The following VCAN variants were observed in gnomAD, a reference collection of about 807,000 sequenced individuals.
VCAN encodes the protein versican core protein.
A neutral mutation model predicts 245.5 loss-of-function variants in VCAN; 44 were observed. That is an observed-to-expected ratio of 0.18 (90% CI 0.14 to 0.23). VCAN has a LOEUF of 0.23. Ranked by LOEUF, VCAN falls within the 10% of genes least tolerant of loss-of-function variation. VCAN has a pLI of 1.00. For missense variants in VCAN, 3,793 were observed against 4,057.9 expected, an observed-to-expected ratio of 0.93 and a Z score of 1.77; for synonymous variants, 1,413 against 1,437.0, an observed-to-expected ratio of 0.98 and a Z score of 0.38.
At chr5:83,522,654 G>A (rs1051838236) in intron 7 of VCAN, among the ~76,000 whole-genome samples, 2 of 152,182 alleles carry the variant, frequency 1.3e-5, no homozygotes, top group African/African-American at 4.8e-5. Flanking sequence ...GCACTAGACT[G>A]TGTTAACATT....
At chr5:83,505,531 C>A (rs1745456765) in intron 5 of VCAN, among the ~76,000 whole-genome samples, 1 of 152,176 alleles carries the variant, frequency 6.6e-6, no homozygotes, top group African/African-American at 2.4e-5. Context: ...TGGTCTCGGG[C>A]AGCTCAGCCC....
At chr5:83,480,601 C>T (rs1744581564) in intron 1 of VCAN, among the ~76,000 whole-genome samples, 1 of 152,156 alleles carries the variant, frequency 6.6e-6, no homozygotes, top group Non-Finnish European at 1.5e-5. Context: ...CAAGGATATA[C>T]CCTGAACCTG....
Position 83,542,127 on chromosome 5 carries a change from G to A in VCAN, c.9124G>A (p.Asp3042Asn), listed in dbSNP as rs144214095. Reference protein sequence around the residue: ...QVAARILDSNDQATVNPVEFN... With the variant: ...QVAARILDSNNQATVNPVEFN... ...GGCAGCGAGAATTCTTGATTCCAATGATCAGGCAACAGTAAACCCTGTGGA... is the reference window on the plus strand; with the variant it reads ...GGCAGCGAGAATTCTTGATTCCAATAATCAGGCAACAGTAAACCCTGTGGA... Residue 3042 changes from aspartate to asparagine, a missense_variant, in exon 8 of 15, where the codon GAT (aspartate) becomes AAT (asparagine). Physicochemically the swap from Asp to Asn is conservative, Grantham distance 23. Around this residue, in one of 5 missense-constraint regions of VCAN, gnomAD observed 3,182 missense variants for 3,250.3 expected, o/e 0.98. Coordinates refer to ENST00000265077, the MANE Select transcript of VCAN (RefSeq NM_004385.5). The A allele has an allele frequency of 7.2e-5, 116 of 1,614,082 alleles. No homozygotes were observed. In the African/African-American group the frequency reaches 1.3e-3, roughly 18 times the overall value.
At chr5:83,508,716 T>C (rs1745555730) in intron 5 of VCAN, among the ~76,000 whole-genome samples, 1 of 152,258 alleles carries the variant, frequency 6.6e-6, no homozygotes. Context: ...CTTTTAATCC[T>C]CACCTTAAAG....
At chr5:83,563,760 G>C (rs1747966588) in intron 12 of VCAN, among the ~76,000 whole-genome samples, 1 of 152,264 alleles carries the variant, frequency 6.6e-6, no homozygotes, top group African/African-American at 2.4e-5. Context: ...GCACAAAGAA[G>C]TCAGCTCTTA....
intron 12 of VCAN, among the ~76,000 whole-genome samples, chr5:83,564,633 G>C (rs1053609530): frequency 6.6e-6 from 1 of 151,244 alleles, no homozygotes; most frequent in Admixed American, 6.6e-5. Flanking sequence ...TCTTTGGCTA[G>C]TTTCCTTGGG....
chr5:83,549,406 C>T, intron 10 of VCAN, among the ~76,000 whole-genome samples: 1 of 152,112 alleles, frequency 6.6e-6, no homozygotes, highest in Non-Finnish European at 1.5e-5. Context: ...TCTATGCATT[C>T]AGTGGGCTAG....
chr5:83,556,351 A>G (rs1374884199), intron 12 of VCAN, among the ~76,000 whole-genome samples: 1 of 152,204 alleles, frequency 6.6e-6, no homozygotes, highest in East Asian at 1.9e-4. Flanking sequence ...CCTCGGCTTT[A>G]AAAAGAGTGT....
rs562382879 is a variant in VCAN at position 83,545,302 on chromosome 5, T to A, written c.9266-235T>A. The stretch of plus-strand genomic sequence containing the variant: ...CCAGATACAGTACAAAAAATATCAT[T>A]TAAGAGTAATCGTGATTGAATCCCA... On this transcript the variant is annotated intron_variant, in intron 8 of 14. Coordinates refer to ENST00000265077, the MANE Select transcript of VCAN (RefSeq NM_004385.5). Among the ~76,000 whole-genome samples the A allele has an allele frequency of 1.8e-4, 27 of 152,256 alleles. No homozygotes were observed. In the South Asian group the frequency reaches 5.4e-3, roughly 30 times the overall value.
intron 1 of VCAN, among the ~76,000 whole-genome samples, chr5:83,476,901 A>G (rs1357763422): frequency 1.3e-5 from 2 of 152,208 alleles, no homozygotes; most frequent in Admixed American, 6.5e-5. Context: ...ATCCTACCTC[A>G]TTCTTCTAAG....
intron 5 of VCAN, among the ~76,000 whole-genome samples, chr5:83,507,281 C>A (rs1745509685): frequency 6.6e-6 from 1 of 152,148 alleles, no homozygotes; most frequent in African/African-American, 2.4e-5. Flanking sequence ...AAGCAACTAT[C>A]CGTTAAATCT....
At chr5:83,472,077 GA>G (rs200141834) in intron 1 of VCAN, 54 bp downstream of exon 1, 4,299 of 268,642 alleles carry the variant, frequency 0.016, 47 homozygotes, top group Non-Finnish European at 0.02. Context: ...AAAACTTATA[GA>G]AAAAAACCCG....
chr5:83,533,314 A>T (rs1164563089), intron 7 of VCAN, among the ~76,000 whole-genome samples: 2 of 152,168 alleles, frequency 1.3e-5, no homozygotes, highest in Non-Finnish European at 2.9e-5. Flanking sequence ...TGATTAGTAC[A>T]TTTGCAATAA....
intron 13 of VCAN, 56 bp from the exon 14 acceptor site, chr5:83,579,924 C>T: frequency 6.4e-7 from 1 of 1,562,382 alleles, no homozygotes; most frequent in South Asian, 1.1e-5. Flanking sequence ...ATAAGAGACT[C>T]ATATTAGTTG....
chr5:83,505,083 C>T (rs774269206), intron 5 of VCAN, among the ~76,000 whole-genome samples: 3 of 152,052 alleles, frequency 2.0e-5, no homozygotes, highest in South Asian at 4.1e-4. Flanking sequence ...GGGAATTCTG[C>T]GAGATACAGT....
chr5:83,493,468 A>G, intron 3 of VCAN, 78 bp from the exon 4 acceptor site: 1 of 1,576,046 alleles, frequency 6.3e-7, no homozygotes, highest in Non-Finnish European at 8.7e-7. Context: ...AAGTTGATAC[A>G]TTGCTCCAAT....
At chr5:83,509,347 A>G (rs1445900613) in intron 5 of VCAN, among the ~76,000 whole-genome samples, 2 of 152,208 alleles carry the variant, frequency 1.3e-5, no homozygotes, top group African/African-American at 2.4e-5. Context: ...ACAGGCCAGC[A>G]CCTACTGAAG....
chr5:83,578,195 G>A (rs1448394076), intron 13 of VCAN, among the ~76,000 whole-genome samples: 1 of 152,088 alleles, frequency 6.6e-6, no homozygotes, highest in African/African-American at 2.4e-5. Context: ...CATGGATGGA[G>A]CTGGAGGTCA....
In VCAN at chr5:83,519,561, T is replaced by G. The variant is rs1465669976; in HGVS notation, c.1255T>G (p.Leu419Val). 3 of 1,614,140 alleles carry G rather than the reference T, an allele frequency of 1.9e-6. No individual in the cohort carries two copies. In the South Asian group the frequency reaches 3.3e-5, roughly 18 times the overall value. ...TVQPQAITDS[L>V]ATKLPTPTGS... ...CCAACCTCAGGCTATCACAGATAGTTTAGCCACCAAATTACCCACACCTAC... is the reference window on the plus strand; with the variant it reads ...CCAACCTCAGGCTATCACAGATAGTGTAGCCACCAAATTACCCACACCTAC... The change falls in exon 7 of 15, where the codon TTA (leucine) becomes GTA (valine). Residue 419 changes from leucine (L) to valine (V), a missense_variant. Leu to Val is a conservative substitution (Grantham distance 32). Coordinates refer to ENST00000265077, the MANE Select transcript of VCAN (RefSeq NM_004385.5).
Sources: allele counts gnomAD v4.1 joint callset (sites outside exome capture counted in the v4.1 genomes callset), GRCh38; gene constraint gnomAD v4.1.1; regional missense constraint gnomAD v4.1.1; transcripts MANE v1.5; gene names NCBI Gene and HGNC (gene_info 2026-07-23, HGNC 2026-07-21).